Variants in SCAF8 observed in about 807,000 individuals in gnomAD.
SCAF8 encodes SR-related and CTD-associated factor 8.
A neutral mutation model predicts 140.5 loss-of-function variants in SCAF8; 23 were observed. The observed-to-expected ratio is 0.16, with a 90% CI of 0.12 to 0.23. The LOEUF (loss-of-function observed/expected upper bound fraction) is 0.23, where lower values mean the gene tolerates loss of function less well. Among genes scored for constraint, SCAF8 ranks in the 10% least tolerant of loss-of-function variants. The probability of loss-of-function intolerance (pLI) is 1.00; values close to 1 mark genes in which losing one functional copy is unlikely to be tolerated. For missense variants in SCAF8, 1,397 were observed against 1,555.7 expected, an observed-to-expected ratio of 0.90 and a Z score of 1.72; for synonymous variants, 575 against 528.9, an observed-to-expected ratio of 1.09 and a Z score of -1.20.
intron 1 of SCAF8, among the ~76,000 whole-genome samples, chr6:154,754,639 GTCTT>G (rs1363034284): frequency 6.6e-6 from 1 of 152,188 alleles, no homozygotes; most frequent in Non-Finnish European, 1.5e-5. Context: ...GTATATTACT[GTCTT>G]TATTGTTTTT....
In SCAF8 at chr6:154,733,732, T is replaced by C. The variant is rs1778326210; in HGVS notation, c.-169T>C. On this transcript the variant is annotated 5_prime_UTR_variant, in exon 1 of 20. Coordinates refer to ENST00000367178, the MANE Select transcript of SCAF8 (RefSeq NM_014892.5). Reference sequence around the variant, plus strand: ...TGCCGCTCTGCCGCTGAGGGAGCCCTTCCCCGCCAGCGCGTGCCCTTCCAC... The same window carrying C: ...TGCCGCTCTGCCGCTGAGGGAGCCCCTCCCCGCCAGCGCGTGCCCTTCCAC... 7.7e-7 allele frequency: 1 copy of C among 1,300,642 alleles called. No homozygotes were observed. The highest frequency in any genetic ancestry group is 9.7e-7 in the Non-Finnish European group (1 of 1,025,910). The allele number at this position is 1,300,642 out of a possible 1,614,324, so 80.6% of individuals were successfully genotyped here.
chr6:154,783,378 G>C (rs533214135), intron 3 of SCAF8, among the ~76,000 whole-genome samples: 8 of 152,270 alleles, frequency 5.3e-5, no homozygotes, highest in African/African-American at 1.9e-4. Context: ...GCTACTCTTA[G>C]ATACGGTGAG....
chr6:154,754,078 G>C (rs1778907320), intron 1 of SCAF8, among the ~76,000 whole-genome samples: 3 of 152,206 alleles, frequency 2.0e-5, no homozygotes, highest in African/African-American at 7.2e-5. Flanking sequence ...GGTGGAGTTA[G>C]TCTATTTTAA....
chr6:154,760,951 T>G (rs1282108467), intron 1 of SCAF8, among the ~76,000 whole-genome samples: 1 of 151,914 alleles, frequency 6.6e-6, no homozygotes, highest in African/African-American at 2.4e-5. Flanking sequence ...GTCCCATTGA[T>G]TTTTTTCTTT....
intron 2 of SCAF8, among the ~76,000 whole-genome samples, chr6:154,776,185 T>C (rs1776910233): frequency 6.6e-6 from 1 of 152,132 alleles, no homozygotes; most frequent in Non-Finnish European, 1.5e-5. Flanking sequence ...ATTATACTTA[T>C]TTGTCCTGTC....
chr6:154,788,327 C>G (rs764756628), intron 4 of SCAF8, among the ~76,000 whole-genome samples: 1 of 152,132 alleles, frequency 6.6e-6, no homozygotes, highest in African/African-American at 2.4e-5. Context: ...GTGTAGTAGG[C>G]TATACCGTCT....
chr6:154,780,921 G>A (rs966843118), intron 3 of SCAF8, among the ~76,000 whole-genome samples: 5 of 151,950 alleles, frequency 3.3e-5, no homozygotes, highest in African/African-American at 1.2e-4. Flanking sequence ...TGGTGTTTCT[G>A]GTTCTAGATC....
At chr6:154,779,758 G>GGTGTGTGT (rs199543298) in intron 3 of SCAF8, among the ~76,000 whole-genome samples, 3 of 147,404 alleles carry the variant, frequency 2.0e-5, no homozygotes, top group Non-Finnish European at 4.5e-5. Flanking sequence ...GTTAAAATAA[G>GGTGTGTGT]GTGTGTGTGT....
intron 6 of SCAF8, among the ~76,000 whole-genome samples, chr6:154,796,924 A>G (rs1777624764): frequency 6.6e-6 from 1 of 151,984 alleles, no homozygotes; most frequent in African/African-American, 2.4e-5. Context: ...GAGAGCCAAG[A>G]TCATGCCATT....
At chr6:154,795,471 T>G (rs953743545) in intron 6 of SCAF8, among the ~76,000 whole-genome samples, 4 of 152,098 alleles carry the variant, frequency 2.6e-5, no homozygotes, top group Non-Finnish European at 4.4e-5. Context: ...GGACAGATGG[T>G]AAAAAATAGT....
chr6:154,802,993 T>A (rs906307173), intron 7 of SCAF8, among the ~76,000 whole-genome samples: 2 of 151,576 alleles, frequency 1.3e-5, no homozygotes, highest in African/African-American at 4.9e-5. Flanking sequence ...TATGGGAATA[T>A]CATACTACTT....
chr6:154,803,640 T>C lies in SCAF8; in HGVS notation c.863+17T>C, dbSNP rs750558360. ...TTCACAACTGTAAGAATTTTTTCTTTATAGCCATAGTTTTTTTATATTTAG... is the reference window on the plus strand; with the variant it reads ...TTCACAACTGTAAGAATTTTTTCTTCATAGCCATAGTTTTTTTATATTTAG... On this transcript the variant is annotated intron_variant, in intron 8 of 19. Transcript: ENST00000367178. 1.2e-5 allele frequency: 19 copies of C among 1,534,982 alleles called. No homozygotes were observed. The South Asian group carries it at 1.6e-4, about 13-fold the overall frequency.
intron 4 of SCAF8, among the ~76,000 whole-genome samples, chr6:154,792,231 G>A (rs1479864221): frequency 6.6e-6 from 1 of 152,154 alleles, no homozygotes; most frequent in African/African-American, 2.4e-5. Context: ...CTGTACAGAA[G>A]TTTGTCCATC....
intron 13 of SCAF8, 34 bp from the exon 14 acceptor site, chr6:154,818,445 T>A (rs764399973): frequency 8.2e-7 from 1 of 1,216,836 alleles, no homozygotes; most frequent in Non-Finnish European, 1.2e-6. Context: ...GTTTCTGTTC[T>A]TATACCTTTT....
chr6:154,805,466 G>A lies in SCAF8; in HGVS notation c.961G>A (p.Glu321Lys), dbSNP rs1777886531. The A allele has an allele frequency of 1.2e-6, 2 of 1,604,558 alleles. No individual in the cohort carries two copies. The highest frequency in any genetic ancestry group is 1.7e-6 in the Non-Finnish European group (2 of 1,172,960). ...NLEHLRQQLL[E>K]QQQPQKATPQ... Reference sequence around the variant, plus strand: ...AGAACATCTCAGACAGCAGCTCTTGGAGCAGCAACAGCCTCAAAAGGTTTA... The same window carrying A: ...AGAACATCTCAGACAGCAGCTCTTGAAGCAGCAACAGCCTCAAAAGGTTTA... Residue 321 changes from glutamate (E) to lysine (K), a missense_variant, in exon 9 of 20, where the codon GAG becomes AAG. By Grantham distance (56) the Glu-to-Lys change is moderately conservative (BLOSUM62 1). Transcript: ENST00000367178.
At chr6:154,766,669 C>CCCT (rs1554258917) in intron 1 of SCAF8, among the ~76,000 whole-genome samples, 74 of 82,414 alleles carry the variant, frequency 9.0e-4, no homozygotes, top group African/African-American at 4.0e-3. Flanking sequence ...ACCCCCCCCC[C>CCCT]TTTTTTTTTT....
At chr6:154,780,707 C>G (rs1421556026) in intron 3 of SCAF8, among the ~76,000 whole-genome samples, 2 of 152,090 alleles carry the variant, frequency 1.3e-5, no homozygotes, top group Admixed American at 1.3e-4. Context: ...TGATCTCATT[C>G]CTTTTTATGT....
At position 154,831,990 on chromosome 6, in the gene SCAF8, C is replaced by A; in HGVS notation, c.2411C>A (p.Pro804Gln). The change falls in exon 20 of 20, where the codon CCA (proline) becomes CAA (glutamine). Residue 804 changes from proline to glutamine, a missense_variant. Pro to Gln is a moderately conservative substitution (Grantham distance 76, BLOSUM62 -1). Coordinates refer to ENST00000367178, the MANE Select transcript of SCAF8 (RefSeq NM_014892.5). Reference sequence around the variant, plus strand: ...GCTGCAATTTTAGGAGGACAGCCGCCAAATGTGACAAGCAATTCTGGAATT... The same window carrying A: ...GCTGCAATTTTAGGAGGACAGCCGCAAAATGTGACAAGCAATTCTGGAATT... ...SNAAILGGQPPNVTSNSGILG... is the reference protein window; with the variant it reads ...SNAAILGGQPQNVTSNSGILG... 6.2e-7 allele frequency: 1 copy of A among 1,612,862 alleles called. No individual in the cohort carries two copies. Among genetic ancestry groups the A allele is most frequent in the Non-Finnish European group, 8.5e-7 (1 of 1,179,512 alleles).
chr6:154,775,245 A>C (rs1004724320), intron 2 of SCAF8, among the ~76,000 whole-genome samples: 1 of 152,192 alleles, frequency 6.6e-6, no homozygotes, highest in Non-Finnish European at 1.5e-5. Flanking sequence ...GCAGAAAATC[A>C]GAGAGAACGA....
Sources: gnomAD v4.1 joint callset for allele counts (sites outside exome capture counted in the v4.1 genomes callset) on GRCh38, gnomAD v4.1.1 for gene constraint, MANE v1.5 for transcripts, NCBI Gene and HGNC (gene_info 2026-07-23, HGNC 2026-07-21) for gene names.